CYB5D2: variants seen among roughly 807,000 people sequenced by gnomAD.
The protein encoded by CYB5D2 is cytochrome b5 domain containing 2, also known as neuferricin.
Under a neutral mutation model 22.8 loss-of-function variants are expected in CYB5D2, and 23 were observed. The observed-to-expected ratio is 1.01, with a 90% confidence interval of 0.73 to 1.43. CYB5D2 has a LOEUF of 1.43. Among genes scored for constraint, CYB5D2 ranks in the 40% most tolerant of loss-of-function variants. The probability of loss-of-function intolerance (pLI) is 0.00; values close to 1 mark genes in which losing one functional copy is unlikely to be tolerated. For synonymous variants in CYB5D2, 170 were observed against 152.2 expected (o/e 1.12, Z -0.86); for missense variants, 373 against 357.2 (o/e 1.04, Z -0.36).
Position 4,154,784 on chromosome 17 carries a change from G to A in CYB5D2, c.502G>A (p.Glu168Lys), listed in dbSNP as rs767888633. The A allele has an allele frequency of 9.3e-6, 15 of 1,614,206 alleles. No homozygotes were observed. In the East Asian group the frequency reaches 3.3e-4, roughly 36 times the overall value. Reference protein sequence around the residue: ...GLEANKLQLQEKQTFPPCNAE... With the variant: ...GLEANKLQLQKKQTFPPCNAE... ...GGAGGCCAACAAACTACAGCTGCAA[G>A]AGAAGCAGACATTCCCGCCGTGCAA... The change falls in exon 3 of 4, where the codon GAG becomes AAG. Residue 168 changes from glutamate (E) to lysine (K), a missense_variant. Physicochemically the swap from Glu to Lys is moderately conservative, Grantham distance 56. Coordinates refer to ENST00000301391, the MANE Select transcript of CYB5D2 (RefSeq NM_144611.4).
At chr17:4,148,317 G>C (rs2059015209) in intron 1 of CYB5D2, among the ~76,000 whole-genome samples, 1 of 152,192 alleles carries the variant, frequency 6.6e-6, no homozygotes, top group Admixed American at 6.5e-5. Flanking sequence ...AGGAGTTCGA[G>C]ACCAGCCTGG....
At chr17:4,151,136 C>T (rs1253627474) in intron 2 of CYB5D2, 1 of 152,212 alleles carries the variant, frequency 6.6e-6, no homozygotes, top group African/African-American at 2.4e-5. Context: ...TCAGCTCCCT[C>T]CACATCCAAT....
chr17:4,144,042 G>A (rs1158126846), intron 1 of CYB5D2, 37 bp downstream of exon 1: 1 of 1,544,590 alleles, frequency 6.5e-7, no homozygotes, highest in Non-Finnish European at 8.7e-7. Context: ...CTCTCCGCTG[G>A]CGCGAGCCAG....
Position 4,143,642 on chromosome 17 carries a change from C to A in CYB5D2, c.-114C>A. ...GGGAGGGAGCGCGAGCACTAGCGCGCGAGAGAGAGAGCGAGAGCGCGCGCG... is the reference window on the plus strand; with the variant it reads ...GGGAGGGAGCGCGAGCACTAGCGCGAGAGAGAGAGAGCGAGAGCGCGCGCG... On this transcript the variant is annotated 5_prime_UTR_variant, in exon 1 of 4. Coordinates refer to ENST00000301391, the MANE Select transcript of CYB5D2 (RefSeq NM_144611.4). The A allele has an allele frequency of 7.0e-7, 1 of 1,437,852 alleles. No homozygotes were observed. Among genetic ancestry groups the A allele is most frequent in the Non-Finnish European group, 9.4e-7 (1 of 1,068,406 alleles). The allele number at this position is 1,437,852 out of a possible 1,614,324, so 89.1% of individuals were successfully genotyped here. A position where few individuals can be genotyped will look rare whatever the true frequency, so the allele number is the denominator to read the frequency against.
intron 3 of CYB5D2, 59 bp from the exon 4 acceptor site, chr17:4,156,807 C>A: frequency 6.4e-7 from 1 of 1,572,574 alleles, no homozygotes; most frequent in South Asian, 1.1e-5. Flanking sequence ...CCTGCTCTCC[C>A]CTTCCCAGAG....
intron 1 of CYB5D2, among the ~76,000 whole-genome samples, chr17:4,149,127 G>A (rs1351802735): frequency 6.6e-6 from 1 of 152,146 alleles, no homozygotes; most frequent in Non-Finnish European, 1.5e-5. Flanking sequence ...TTTTGATCTT[G>A]TGATATCTGT....
chr17:4,154,719 C>G lies in CYB5D2; in HGVS notation c.437C>G (p.Pro146Arg). 1 of 1,614,182 alleles carries G rather than the reference C, an allele frequency of 6.2e-7. No individual in the cohort carries two copies. The highest frequency in any genetic ancestry group is 1.1e-5 in the South Asian group (1 of 91,080). Residue 146 changes from proline to arginine, a missense_variant, in exon 3 of 4, where the codon CCG becomes CGG. Pro to Arg is a moderately radical substitution (Grantham distance 103). Transcript: ENST00000301391. The part of the protein sequence containing the change: ...RFYGEDGLPT[P>R]ALTQVEAAIT... The stretch of plus-strand genomic sequence containing the variant: ...TACGGAGAGGATGGGCTGCCCACCC[C>G]GGCACTGACCCAGGTAGAAGCTGCG...
chr17:4,156,102 C>G (rs558283888), intron 3 of CYB5D2, among the ~76,000 whole-genome samples: 1 of 152,244 alleles, frequency 6.6e-6, no homozygotes, highest in Non-Finnish European at 1.5e-5. Context: ...GATGTTTTCT[C>G]GCTGGGGGCA....
chr17:4,148,686 T>C (rs963779027), intron 1 of CYB5D2, among the ~76,000 whole-genome samples: 8 of 151,994 alleles, frequency 5.3e-5, no homozygotes, highest in African/African-American at 1.7e-4. Context: ...TAGCCAGGCA[T>C]GTTGGTGCGC....
intron 1 of CYB5D2, among the ~76,000 whole-genome samples, chr17:4,148,390 A>C (rs2059015893): frequency 6.6e-6 from 1 of 151,672 alleles, no homozygotes; most frequent in Non-Finnish European, 1.5e-5. Context: ...GGTGGCGGGC[A>C]CCTGTAGTCC....
At chr17:4,153,115 G>C (rs1035040961) in intron 2 of CYB5D2, among the ~76,000 whole-genome samples, 1 of 152,228 alleles carries the variant, frequency 6.6e-6, no homozygotes, top group Admixed American at 6.5e-5. Context: ...CTAGTAGAGA[G>C]AGCCATCATA....
At chr17:4,150,073 A>G (rs1267615504) in intron 2 of CYB5D2, 42 bp downstream of exon 2, 1 of 1,609,438 alleles carries the variant, frequency 6.2e-7, no homozygotes, top group Non-Finnish European at 8.5e-7. Flanking sequence ...GGTTGTCTGC[A>G]GTGTTTTTAG....
chr17:4,155,456 C>CA (rs201154358), intron 3 of CYB5D2, among the ~76,000 whole-genome samples: 246 of 151,766 alleles, frequency 1.6e-3, no homozygotes, highest in Middle Eastern at 3.4e-3. Flanking sequence ...CAGTAACAAA[C>CA]AAAAAAAACC....
intron 1 of CYB5D2, among the ~76,000 whole-genome samples, chr17:4,148,578 C>A (rs1177129318): frequency 1.3e-5 from 2 of 151,508 alleles, no homozygotes; most frequent in African/African-American, 4.9e-5. Context: ...GTGGCTCACA[C>A]CTGTAATCCC....
chr17:4,153,981 T>C (rs2059085692), intron 2 of CYB5D2, among the ~76,000 whole-genome samples: 1 of 152,262 alleles, frequency 6.6e-6, no homozygotes. Flanking sequence ...GCTTCCTTTC[T>C]GCTTCTCTTG....
At chr17:4,151,318 T>C (rs2059055391) in intron 2 of CYB5D2, among the ~76,000 whole-genome samples, 1 of 152,210 alleles carries the variant, frequency 6.6e-6, no homozygotes, top group African/African-American at 2.4e-5. Flanking sequence ...GGCTGGGTTC[T>C]TCCCTTTCCC....
rs779444606 is a variant in CYB5D2, at chr17:4,157,251, TGTG to T, written c.*173_*175del. 44 of 770,086 alleles carry T rather than the reference TGTG, an allele frequency of 5.7e-5. No homozygotes were observed. The highest frequency in any genetic ancestry group is 6.4e-5 in the Non-Finnish European group (31 of 484,432). 47.7% of individuals were successfully genotyped at this position (770,086 alleles called of 1,614,324 possible). A position where few individuals can be genotyped will look rare whatever the true frequency, so the allele number is the denominator to read the frequency against. ...CATGCCCCTTACCGTGGCTCGGCGT[TGTG>T]GTGCCTGAGGGACAGCCGGCCACCT... On this transcript the variant is annotated 3_prime_UTR_variant, in exon 4 of 4. Transcript: ENST00000301391. The surrounding 1 kb of genome is among the most constrained non-coding windows in gnomAD (Gnocchi z 4.4).
At chr17:4,144,037 C>A in intron 1 of CYB5D2, 32 bp downstream of exon 1, 2 of 1,550,086 alleles carry the variant, frequency 1.3e-6, no homozygotes, top group Non-Finnish European at 1.7e-6. Context: ...CCTTTCTCTC[C>A]GCTGGCGCGA....
chr17:4,147,322 A>G (rs2059003355), intron 1 of CYB5D2, among the ~76,000 whole-genome samples: 1 of 152,248 alleles, frequency 6.6e-6, no homozygotes, highest in Non-Finnish European at 1.5e-5. Flanking sequence ...CTGGGAATTT[A>G]CTAAAGATCA....
Sources: allele counts gnomAD v4.1 joint callset (sites outside exome capture counted in the v4.1 genomes callset), GRCh38; gene constraint gnomAD v4.1.1; non-coding constraint Gnocchi (gnomAD v3.1); transcripts MANE v1.5; gene names NCBI Gene and HGNC (gene_info 2026-07-23, HGNC 2026-07-21).